VPS13B: variants seen among roughly 807,000 people sequenced by gnomAD.
The protein encoded by VPS13B is intermembrane lipid transfer protein VPS13B.
In VPS13B, 285 loss-of-function variants were observed where a neutral mutation model predicts 426.4. That is an observed-to-expected ratio of 0.67 (90% confidence interval 0.61 to 0.74). The LOEUF (loss-of-function observed/expected upper bound fraction) is 0.74. VPS13B is among the 30% of genes least tolerant of loss of function. VPS13B has a pLI of 0.00. For missense variants in VPS13B, 4,537 were observed against 4,782.6 expected, an observed-to-expected ratio of 0.95 and a Z score of 1.51; for synonymous variants, 1,676 against 1,676.4, an observed-to-expected ratio of 1.00 and a Z score of 0.01.
At chr8:99,454,586 G>A (rs149862248) in intron 23 of VPS13B, among the ~76,000 whole-genome samples, 21 of 152,252 alleles carry the variant, frequency 1.4e-4, no homozygotes, top group East Asian at 1.2e-3. Flanking sequence ...AAATAAAGCC[G>A]CTATATACCT....
intron 39 of VPS13B, among the ~76,000 whole-genome samples, chr8:99,722,236 A>C (rs138784189): frequency 5.3e-5 from 8 of 152,288 alleles, no homozygotes; most frequent in Non-Finnish European, 7.4e-5. Context: ...TGACTAGCCC[A>C]CTACAACTAC....
chr8:99,441,250 A>G (rs1422066439), intron 22 of VPS13B, among the ~76,000 whole-genome samples: 1 of 152,078 alleles, frequency 6.6e-6, no homozygotes, highest in Non-Finnish European at 1.5e-5. Context: ...AGGTTTGTTT[A>G]TTTATAGGTT....
At chr8:99,228,116 T>C (rs918167788) in intron 17 of VPS13B, among the ~76,000 whole-genome samples, 1 of 152,214 alleles carries the variant, frequency 6.6e-6, no homozygotes, top group African/African-American at 2.4e-5. Context: ...ATGCCCATTT[T>C]AACATACTGA....
chr8:99,113,174 C>G (rs749967722), intron 6 of VPS13B, among the ~76,000 whole-genome samples: 8 of 151,868 alleles, frequency 5.3e-5, no homozygotes, highest in Non-Finnish European at 8.8e-5. Flanking sequence ...TCATACTTCA[C>G]TGTAACCTTG....
intron 33 of VPS13B, among the ~76,000 whole-genome samples, chr8:99,606,629 C>T (rs4735625): frequency 0.069 from 7,301 of 105,482 alleles, 237 homozygotes; most frequent in East Asian, 0.17. Context: ...TTTTTCTTTT[C>T]TTTTTTTTTT....
intron 30 of VPS13B, among the ~76,000 whole-genome samples, chr8:99,533,589 A>G (rs1823044639): frequency 6.6e-6 from 1 of 152,206 alleles, no homozygotes; most frequent in Non-Finnish European, 1.5e-5. Context: ...AACAGTTGAA[A>G]ATTGAGGAAT....
chr8:99,314,305 G>A (rs1257038592), intron 19 of VPS13B, among the ~76,000 whole-genome samples: 1 of 151,938 alleles, frequency 6.6e-6, no homozygotes, highest in Non-Finnish European at 1.5e-5. Context: ...CGGCCATCTT[G>A]GAACCACCCC....
chr8:99,354,982 G>A (rs1213032931), intron 19 of VPS13B, among the ~76,000 whole-genome samples: 2 of 152,170 alleles, frequency 1.3e-5, no homozygotes, highest in African/African-American at 4.8e-5. Flanking sequence ...GGGAGAAAGG[G>A]AGTTGGAGAG....
intron 61 of VPS13B, among the ~76,000 whole-genome samples, chr8:99,872,374 CCCT>C (rs1277982275): frequency 6.6e-6 from 1 of 152,198 alleles, no homozygotes; most frequent in African/African-American, 2.4e-5. Flanking sequence ...GTTTCCCACC[CCCT>C]GAGTACCACA....
intron 3 of VPS13B, among the ~76,000 whole-genome samples, chr8:99,058,752 TTGTC>T (rs1475955347): frequency 2.0e-5 from 3 of 152,280 alleles, no homozygotes; most frequent in Non-Finnish European, 2.9e-5. Context: ...AACTAAGTCA[TTGTC>T]TGTGGCATTG....
At chr8:99,764,333 G>A (rs1249159284) in intron 39 of VPS13B, among the ~76,000 whole-genome samples, 3 of 151,274 alleles carry the variant, frequency 2.0e-5, no homozygotes, top group Non-Finnish European at 4.4e-5. Flanking sequence ...AGACACATAG[G>A]ATTAACCCAC....
intron 19 of VPS13B, among the ~76,000 whole-genome samples, chr8:99,307,687 G>A (rs1434179657): frequency 2.6e-5 from 4 of 151,824 alleles, no homozygotes; most frequent in Middle Eastern, 3.2e-3. Flanking sequence ...ACCGACCATC[G>A]ATTTTGTTTA....
At chr8:99,746,193 A>T (rs1479261249) in intron 39 of VPS13B, among the ~76,000 whole-genome samples, 1 of 151,982 alleles carries the variant, frequency 6.6e-6, no homozygotes, top group African/African-American at 2.4e-5. Context: ...TAGTCATCTT[A>T]TAGAGCTTGA....
intron 33 of VPS13B, among the ~76,000 whole-genome samples, chr8:99,624,911 A>G (rs1828542624): frequency 6.6e-6 from 1 of 150,546 alleles, no homozygotes; most frequent in South Asian, 2.1e-4. Context: ...TCCGCCTCCC[A>G]GGTTCAAGTG....
At chr8:99,584,832 T>G (rs1318779990) in intron 33 of VPS13B, among the ~76,000 whole-genome samples, 1 of 152,120 alleles carries the variant, frequency 6.6e-6, no homozygotes, top group Non-Finnish European at 1.5e-5. Flanking sequence ...GATACTAGGG[T>G]GACAGCATTA....
At chr8:99,331,364 T>C (rs542161349) in intron 19 of VPS13B, among the ~76,000 whole-genome samples, 11 of 151,862 alleles carry the variant, frequency 7.2e-5, no homozygotes, top group African/African-American at 2.4e-4. Flanking sequence ...TAAATGACCA[T>C]AGAACTGTCA....
At chr8:99,050,767 C>A (rs1439078770) in intron 3 of VPS13B, among the ~76,000 whole-genome samples, 1 of 152,208 alleles carries the variant, frequency 6.6e-6, no homozygotes, top group Non-Finnish European at 1.5e-5. Context: ...TTTTGATTTG[C>A]ATTTCTCTGA....
At chr8:99,319,362 T>C (rs539340580) in intron 19 of VPS13B, among the ~76,000 whole-genome samples, 1 of 152,336 alleles carries the variant, frequency 6.6e-6, no homozygotes, top group African/African-American at 2.4e-5. Flanking sequence ...TGCTGAGAGA[T>C]AGATTTCTGG....
intron 2 of VPS13B, among the ~76,000 whole-genome samples, chr8:99,021,503 C>G (rs1841886042): frequency 6.6e-6 from 1 of 152,032 alleles, no homozygotes; most frequent in South Asian, 2.1e-4. Flanking sequence ...CGCCTGTAAT[C>G]CCAGCTACTC....
Sources: allele counts gnomAD v4.1 joint callset (sites outside exome capture counted in the v4.1 genomes callset), GRCh38; gene constraint gnomAD v4.1.1; transcripts MANE v1.5; gene names NCBI Gene and HGNC (gene_info 2026-07-23, HGNC 2026-07-21).